Variants in GARRE1 observed in about 807,000 individuals in gnomAD.
The protein encoded by GARRE1 is granule associated Rac and RHOG effector 1, also known as granule associated Rac and RHOG effector protein 1.
In GARRE1, 49 loss-of-function variants were observed where a neutral mutation model predicts 103.2. The observed-to-expected ratio is 0.47, with a 90% CI of 0.38 to 0.60. GARRE1 has a LOEUF of 0.60. GARRE1 is among the 20% of genes least tolerant of loss of function. The pLI is 0.00. For missense variants in GARRE1, 1,199 were observed against 1,370.5 expected (o/e 0.87, Z 1.98); for synonymous variants, 505 against 532.8 (o/e 0.95, Z 0.72).
intron 1 of GARRE1, among the ~76,000 whole-genome samples, chr19:34,299,036 C>A (rs368540523): frequency 6.6e-6 from 1 of 152,140 alleles, no homozygotes; most frequent in Non-Finnish European, 1.5e-5. Context: ...GTCTGTAAAC[C>A]GCCTGCCAGC....
At chr19:34,297,834 A>AT (rs1018147152) in intron 1 of GARRE1, among the ~76,000 whole-genome samples, 3 of 152,098 alleles carry the variant, frequency 2.0e-5, no homozygotes, top group Non-Finnish European at 4.4e-5. Context: ...AGTTTATGAG[A>AT]TTTTTTTTAA....
At chr19:34,288,120 C>A (rs2030309544) in intron 1 of GARRE1, among the ~76,000 whole-genome samples, 1 of 151,860 alleles carries the variant, frequency 6.6e-6, no homozygotes. Context: ...ACCTGTTGGA[C>A]CAACACTAGG....
intron 1 of GARRE1, among the ~76,000 whole-genome samples, chr19:34,288,000 C>G (rs1243735450): frequency 1.3e-5 from 2 of 151,958 alleles, no homozygotes; most frequent in Non-Finnish European, 2.9e-5. Flanking sequence ...ATGACCACAC[C>G]CTGACAACAT....
chr19:34,295,130 G>T (rs1490542448), intron 1 of GARRE1, among the ~76,000 whole-genome samples: 1 of 152,162 alleles, frequency 6.6e-6, no homozygotes, highest in Non-Finnish European at 1.5e-5. Flanking sequence ...CAATTTCCTG[G>T]GAATGGTACT....
In GARRE1 at chr19:34,333,717, C is replaced by A; in HGVS notation, c.1277C>A (p.Thr426Lys). 1 of 1,370,656 alleles carries A rather than the reference C, an allele frequency of 7.3e-7. No homozygotes were observed. Among genetic ancestry groups the A allele is most frequent in the Non-Finnish European group, 1.0e-6 (1 of 974,234 alleles). 84.9% of individuals were successfully genotyped at this position (1,370,656 alleles called of 1,614,324 possible). Residue 426 changes from threonine (T) to lysine (K), a missense_variant, in exon 8 of 14, where the codon ACA (threonine) becomes AAA (lysine). Transcript: ENST00000299505. The stretch of plus-strand genomic sequence containing the variant: ...TTTCGATCTTAGGTGGTGGTTGACA[C>A]AGCACAGATTGAGAATAAAGAAGCC... ...FGQAGLVVVD[T>K]AQIENKEAYA...
intron 10 of GARRE1, among the ~76,000 whole-genome samples, chr19:34,342,959 T>C (rs1568311883): frequency 6.6e-6 from 1 of 151,874 alleles, no homozygotes; most frequent in South Asian, 2.1e-4. Flanking sequence ...CTTAAAAAAT[T>C]AGAGAAGGAA....
chr19:34,307,662 C>CTT (rs2074014228), intron 2 of GARRE1, among the ~76,000 whole-genome samples: 1 of 35,222 alleles, frequency 2.8e-5, no homozygotes, highest in Non-Finnish European at 8.5e-5. Flanking sequence ...CTTATATATA[C>CTT]ATATATACTT....
chr19:34,319,819 T>A, intron 2 of GARRE1, 88 bp from the exon 3 acceptor site: 1 of 1,072,408 alleles, frequency 9.3e-7, no homozygotes, highest in Non-Finnish European at 1.4e-6. Flanking sequence ...TAACTATTGC[T>A]TCTATTCAAG....
intron 10 of GARRE1, among the ~76,000 whole-genome samples, chr19:34,344,858 A>G (rs375789932): frequency 2.1e-5 from 3 of 142,364 alleles, no homozygotes; most frequent in South Asian, 4.5e-4. Flanking sequence ...TTTTTTTTAT[A>G]CGGAGTCTCG....
chr19:34,294,758 A>G (rs2073938207), intron 1 of GARRE1, among the ~76,000 whole-genome samples: 1 of 152,056 alleles, frequency 6.6e-6, no homozygotes, highest in Admixed American at 6.6e-5. Context: ...AGGCTGGAGT[A>G]CAGTGGTGTG....
In GARRE1 at chr19:34,353,800, A is replaced by G. The variant is rs2074254393; in HGVS notation, c.*845A>G. The stretch of plus-strand genomic sequence containing the variant: ...CACACATGGCCAGGACACTGCCACA[A>G]TCCTCGGGGTGTGGTCAAGGGGCAC... On this transcript the variant is annotated 3_prime_UTR_variant, in exon 14 of 14. Coordinates refer to ENST00000299505, the MANE Select transcript of GARRE1 (RefSeq NM_014686.5). 1 of 152,470 alleles carries G rather than the reference A, an allele frequency of 6.6e-6. No homozygotes were observed. The highest frequency in any genetic ancestry group is 2.1e-4 in the South Asian group (1 of 4,824). 9.4% of individuals were successfully genotyped at this position (152,470 alleles called of 1,614,324 possible). A position where few individuals can be genotyped will look rare whatever the true frequency, so the allele number is the denominator to read the frequency against.
At chr19:34,317,427 T>C (rs1392585730) in intron 2 of GARRE1, among the ~76,000 whole-genome samples, 2 of 152,232 alleles carry the variant, frequency 1.3e-5, no homozygotes, top group East Asian at 3.8e-4. Flanking sequence ...TCTTCCCTTT[T>C]TCCTCCTCCT....
intron 3 of GARRE1, among the ~76,000 whole-genome samples, chr19:34,325,003 A>C (rs1310601429): frequency 6.6e-6 from 1 of 152,202 alleles, no homozygotes; most frequent in Non-Finnish European, 1.5e-5. Flanking sequence ...TATCAAGGTC[A>C]TTGGTGCCTT....
intron 1 of GARRE1, among the ~76,000 whole-genome samples, chr19:34,264,676 G>A (rs1209715007): frequency 6.6e-6 from 1 of 152,202 alleles, no homozygotes; most frequent in Non-Finnish European, 1.5e-5. Context: ...GGGATTATAG[G>A]TGTGAGCCAC....
rs570589721 is a variant in GARRE1 at position 34,346,263 on chromosome 19, TG to T, written c.2522-1613del. ...GATGCATGGATGCTTTCCTGCCATA[TG>T]TTTTTTTTGACACTTTCTGTAAACG... is the stretch of plus-strand genomic sequence containing the variant. On this transcript the variant is annotated intron_variant, in intron 10 of 13. Transcript: ENST00000299505. 4.9e-4 allele frequency among the ~76,000 whole-genome samples: 75 copies of T among 152,330 alleles called. 1 individual carries two copies. Among genetic ancestry groups the T allele is most frequent in the African/African-American group, 1.6e-3 (66 of 41,580 alleles).
intron 1 of GARRE1, among the ~76,000 whole-genome samples, chr19:34,286,152 A>AAAAC (rs540988309): frequency 2.0e-3 from 298 of 152,304 alleles, no homozygotes; most frequent in African/African-American, 6.6e-3. Context: ...ACCCTGTTTC[A>AAAAC]AAACAAACAA....
At chr19:34,266,852 A>G (rs1392217978) in intron 1 of GARRE1, among the ~76,000 whole-genome samples, 1 of 152,068 alleles carries the variant, frequency 6.6e-6, no homozygotes, top group Non-Finnish European at 1.5e-5. Context: ...TTATAGTTCG[A>G]TTTACCTATT....
intron 3 of GARRE1, among the ~76,000 whole-genome samples, chr19:34,320,436 G>T (rs2074081576): frequency 6.6e-6 from 1 of 152,202 alleles, no homozygotes; most frequent in Non-Finnish European, 1.5e-5. Context: ...CGGTAGTGCT[G>T]CAGGAAAGCT....
chr19:34,330,504 A>G (rs1430893266), intron 7 of GARRE1, among the ~76,000 whole-genome samples, 157 bp downstream of exon 7: 2 of 152,248 alleles, frequency 1.3e-5, no homozygotes, highest in Admixed American at 6.5e-5. Flanking sequence ...GTAAAGGAAG[A>G]GCAGCATTTA....
Sources: gnomAD v4.1 joint callset for allele counts (sites outside exome capture counted in the v4.1 genomes callset) on GRCh38, gnomAD v4.1.1 for gene constraint, MANE v1.5 for transcripts, NCBI Gene and HGNC (gene_info 2026-07-23, HGNC 2026-07-21) for gene names.